TANC1: variants seen among roughly 807,000 people sequenced by gnomAD.
The protein encoded by TANC1 is tetratricopeptide repeat, ankyrin repeat and coiled-coil containing 1.
TANC1 carries 77 observed loss-of-function variants against 149.7 expected under a neutral mutation model. That is an observed-to-expected ratio of 0.51 (90% CI 0.43 to 0.62). The LOEUF is 0.62. Among genes scored for constraint, TANC1 ranks in the 20% least tolerant of loss-of-function variants. The pLI is 0.00. For missense variants in TANC1, 1,985 were observed against 2,321.8 expected, an observed-to-expected ratio of 0.85 and a Z score of 2.98; for synonymous variants, 854 against 925.0, an observed-to-expected ratio of 0.92 and a Z score of 1.39.
At chr2:159,020,259 A>G (rs1000404275) in intron 2 of TANC1, among the ~76,000 whole-genome samples, 20 of 152,238 alleles carry the variant, frequency 1.3e-4, no homozygotes, top group African/African-American at 4.8e-4. Context: ...GATTACAGGC[A>G]CATGCCACCA....
chr2:159,004,444 T>A, intron 2 of TANC1: 1 of 759,478 alleles, frequency 1.3e-6, no homozygotes. Flanking sequence ...ATTTTCTATA[T>A]TAATAATGCT....
At chr2:158,977,246 C>T (rs766241377) in intron 1 of TANC1, among the ~76,000 whole-genome samples, 1 of 152,032 alleles carries the variant, frequency 6.6e-6, no homozygotes, top group Non-Finnish European at 1.5e-5. Context: ...CTCAAGTGAT[C>T]CTGTCCCCTC....
At chr2:159,186,035 T>TC (rs763232695) in intron 15 of TANC1, 136 bp downstream of exon 15, 6 of 649,710 alleles carry the variant, frequency 9.2e-6, no homozygotes, top group South Asian at 7.6e-5. Context: ...TCCTCCTGCC[T>TC]CCCCTCTCCA....
intron 2 of TANC1, among the ~76,000 whole-genome samples, chr2:159,032,239 C>T (rs73969421): frequency 0.097 from 14,703 of 152,248 alleles, 728 homozygotes; most frequent in Non-Finnish European, 0.11. Context: ...GGAGAGTACT[C>T]AGATGGAATA....
chr2:159,002,187 G>A (rs2036669447), intron 2 of TANC1, among the ~76,000 whole-genome samples: 1 of 152,320 alleles, frequency 6.6e-6, no homozygotes, highest in South Asian at 2.1e-4. Context: ...CGGCCGGAGG[G>A]GCTGGCGGTA....
chr2:159,167,669 C>CT, intron 8 of TANC1, among the ~76,000 whole-genome samples: 1 of 152,206 alleles, frequency 6.6e-6, no homozygotes, highest in South Asian at 2.1e-4. Flanking sequence ...TTCTTGCTCG[C>CT]TGGGAGGATG....
intron 10 of TANC1, 131 bp downstream of exon 10, chr2:159,170,936 TGTGAA>T: frequency 1.0e-6 from 1 of 999,460 alleles, no homozygotes; most frequent in Non-Finnish European, 1.5e-6. Context: ...TGCCATCATG[TGTGAA>T]GTGAACTGTT....
rs187402737 is a variant in TANC1, at chr2:159,176,995, C to T, written c.1902+477C>T. Among the ~76,000 whole-genome samples the T allele has an allele frequency of 2.3e-4, 34 of 148,668 alleles. No individual in the cohort carries two copies. In the East Asian group the frequency reaches 2.6e-3, roughly 11 times the overall value. ...CATGATCTCGGCTCAATGCAGCCTC[C>T]GCCTCCCTGGTTCCAGTGATTCTCC... On this transcript the variant is annotated intron_variant, in intron 13 of 26. Coordinates refer to ENST00000263635, the MANE Select transcript of TANC1 (RefSeq NM_033394.3).
At chr2:159,068,508 T>A (rs2042863345) in intron 3 of TANC1, among the ~76,000 whole-genome samples, 1 of 152,204 alleles carries the variant, frequency 6.6e-6, no homozygotes, top group Non-Finnish European at 1.5e-5. Flanking sequence ...TACACTTTTA[T>A]GTTAAACCTA....
chr2:159,228,488 T>C (rs2060152128), intron 25 of TANC1: 2 of 345,152 alleles, frequency 5.8e-6, no homozygotes, highest in African/African-American at 2.1e-5. Flanking sequence ...TGTGCCCTGC[T>C]GCCGGAATAG....
chr2:159,165,422 T>G (rs551963337), intron 8 of TANC1, among the ~76,000 whole-genome samples: 1 of 152,358 alleles, frequency 6.6e-6, no homozygotes, highest in Middle Eastern at 3.4e-3. Flanking sequence ...GTGCTACATG[T>G]TTTTTAAACT....
chr2:159,033,946 AAAAAACAAAAAC>A (rs1191163216), intron 2 of TANC1, among the ~76,000 whole-genome samples: 1 of 152,212 alleles, frequency 6.6e-6, no homozygotes, highest in South Asian at 2.1e-4. Flanking sequence ...GATCCTCAGT[AAAAAACAAAAAC>A]AAAAACAAAA....
rs371000939 is a variant in TANC1 at position 159,219,320 on chromosome 2, G to T, written c.3461G>T (p.Cys1154Phe). Residue 1154 changes from cysteine to phenylalanine, a missense_variant, in exon 21 of 27, where the codon TGT (cysteine) becomes TTT (phenylalanine). Cys to Phe is a radical substitution (Grantham distance 205). Transcript: ENST00000263635. ...CGGACGCCCCTCATGGTGGCTGCTT[G>T]TGAAGGGCACTTGAGCACCGTGGAA... Reference protein sequence around the residue: ...QGRTPLMVAACEGHLSTVEFL... With the variant: ...QGRTPLMVAAFEGHLSTVEFL... 1.9e-6 allele frequency: 3 copies of T among 1,614,234 alleles called. No individual in the cohort carries two copies. Among genetic ancestry groups the T allele is most frequent in the Non-Finnish European group, 2.5e-6 (3 of 1,180,038 alleles).
intron 8 of TANC1, among the ~76,000 whole-genome samples, chr2:159,167,049 A>G (rs1431089099): frequency 1.3e-5 from 2 of 152,210 alleles, no homozygotes; most frequent in Non-Finnish European, 2.9e-5. Context: ...TTTATTTGGA[A>G]TGTCTTTTAT....
intron 3 of TANC1, 49 bp downstream of exon 3, chr2:159,066,020 C>T (rs1331464602): frequency 7.0e-7 from 1 of 1,424,402 alleles, no homozygotes; most frequent in South Asian, 1.1e-5. Flanking sequence ...GGGCAGCAAG[C>T]TGCTCCTCAC....
intron 14 of TANC1, among the ~76,000 whole-genome samples, chr2:159,181,237 G>T (rs192820505): frequency 6.6e-5 from 10 of 151,640 alleles, no homozygotes; most frequent in African/African-American, 2.4e-4. Context: ...ATTTTTCATG[G>T]TTGTGCAAAA....
At chr2:159,095,991 G>T (rs1280569521) in intron 3 of TANC1, among the ~76,000 whole-genome samples, 1 of 151,890 alleles carries the variant, frequency 6.6e-6, no homozygotes, top group East Asian at 1.9e-4. Context: ...GTCTTTGATT[G>T]TGTGTGTGTA....
intron 14 of TANC1, among the ~76,000 whole-genome samples, chr2:159,185,334 T>A (rs1381266653): frequency 6.6e-6 from 1 of 152,212 alleles, no homozygotes; most frequent in African/African-American, 2.4e-5. Flanking sequence ...TGGCTGGATG[T>A]CCACCATGTG....
intron 3 of TANC1, among the ~76,000 whole-genome samples, chr2:159,078,459 G>C (rs1376657410): frequency 1.3e-5 from 2 of 152,144 alleles, no homozygotes; most frequent in Non-Finnish European, 2.9e-5. Context: ...TTTTTTATAG[G>C]ATCAAGTGAA....
Sources: allele counts gnomAD v4.1 joint callset (sites outside exome capture counted in the v4.1 genomes callset), GRCh38; gene constraint gnomAD v4.1.1; transcripts MANE v1.5; gene names NCBI Gene and HGNC (gene_info 2026-07-23, HGNC 2026-07-21).